The following GPRASP2 variants were observed in gnomAD, a reference collection of about 807,000 sequenced individuals.
GPRASP2 encodes the protein G protein-coupled receptor associated sorting protein 2.
Under a neutral mutation model 36.0 loss-of-function variants are expected in GPRASP2, and 10 were observed. That is an observed-to-expected ratio of 0.28 (90% CI 0.17 to 0.47). GPRASP2 has a LOEUF of 0.47. Among genes scored for constraint, GPRASP2 ranks in the 20% least tolerant of loss-of-function variants. The pLI is 0.99. For missense variants in GPRASP2, 538 were observed against 626.7 expected (o/e 0.86, Z 1.51); for synonymous variants, 219 against 230.5 (o/e 0.95, Z 0.45).
chrX:102,716,939 T>C lies in GPRASP2; in HGVS notation c.2070T>C (p.Ser690=). Residue 690 remains serine (S), a synonymous_variant, in exon 5 of 5, where the codon AGT becomes AGC. Coordinates refer to ENST00000483720, the MANE Select transcript of GPRASP2 (RefSeq NM_001004051.4). ...CQVCEETLAH[S]VDSLEQLTGI... ...TGTGTGAGGAAACCCTTGCACATAG[T>C]GTGGATTCCCTTGAGCAGCTGACTG... 1 of 1,204,408 alleles carries C rather than the reference T, an allele frequency of 8.3e-7. No individual in the cohort carries two copies. The highest frequency in any genetic ancestry group is 1.1e-6 in the Non-Finnish European group (1 of 891,655).
chrX:102,715,771 A>G lies in GPRASP2; in HGVS notation c.902A>G (p.Asn301Ser), dbSNP rs779993158. 8.3e-7 allele frequency: 1 copy of G among 1,211,726 alleles called. No individual in the cohort carries two copies. The highest frequency in any genetic ancestry group is 2.2e-5 in the Admixed American group (1 of 46,027). ...PFSFWVGENT[N>S]NLFRPRVREE... ...TCCTTCTGGGTTGGAGAAAATACCAATAACTTGTTCAGGCCCAGAGTCAGG... is the reference window on the plus strand; with the variant it reads ...TCCTTCTGGGTTGGAGAAAATACCAGTAACTTGTTCAGGCCCAGAGTCAGG... The change falls in exon 5 of 5, where the codon AAT becomes AGT. Residue 301 changes from asparagine (N) to serine (S), a missense_variant. By Grantham distance (46) the Asn-to-Ser change is conservative. This residue lies in a region of GPRASP2 where 276 missense variants were observed against 275.0 expected (regional missense o/e 1.00). Coordinates refer to ENST00000483720, the MANE Select transcript of GPRASP2 (RefSeq NM_001004051.4).
rs759586484 is a variant in GPRASP2 at position 102,716,870 on chromosome X, A to G, written c.2001A>G (p.Pro667=). Residue 667 remains proline (P), a synonymous_variant, in exon 5 of 5, where the codon CCA becomes CCG. Transcript: ENST00000483720. ...SFLENMIHMA[P]PYPNLNMIET... ...TGGAAAATATGATTCACATGGCTCC[A>G]CCTTATCCAAATCTAAACATGATTG... 8.3e-7 allele frequency: 1 copy of G among 1,211,217 alleles called. No individual in the cohort carries two copies. The highest frequency in any genetic ancestry group is 1.8e-5 in the South Asian group (1 of 56,707).
chrX:102,715,039 T>A lies in GPRASP2; in HGVS notation c.170T>A (p.Val57Glu). 8.2e-7 allele frequency: 1 copy of A among 1,212,272 alleles called. No individual in the cohort carries two copies. ...AGGCCCAAAACTGAGACCAAGTCTG[T>A]GCCTGCGGCAAGGCCCAAAACTGAG... is the stretch of plus-strand genomic sequence containing the variant. ...GARPKTETKS[V>E]PAARPKTEAQ... is the part of the protein sequence containing the mutation. Residue 57 changes from valine to glutamate, a missense_variant, in exon 5 of 5, where the codon GTG becomes GAG. Val to Glu is a moderately radical substitution (Grantham distance 121, BLOSUM62 -2). Transcript: ENST00000483720.
chrX:102,717,170 C>A lies in GPRASP2; in HGVS notation c.2301C>A (p.Leu767=), dbSNP rs1440523702. The change falls in exon 5 of 5, where the codon CTC becomes CTA. Residue 767 remains leucine (L), a synonymous_variant. Transcript: ENST00000483720. ...SAKALSIFVG[L]FNIEETNDNI... ...AAGCTCTTTCAATATTTGTGGGTCTCTTTAACATAGAAGAGACAAATGATA... is the reference window on the plus strand; with the variant it reads ...AAGCTCTTTCAATATTTGTGGGTCTATTTAACATAGAAGAGACAAATGATA... 1 of 1,170,647 alleles carries A rather than the reference C, an allele frequency of 8.5e-7. No individual in the cohort carries two copies. Among genetic ancestry groups the A allele is most frequent in the East Asian group, 3.0e-5 (1 of 33,166 alleles).
At chrX:102,713,578 G>T (rs185470666) in intron 2 of GPRASP2, among the ~76,000 whole-genome samples, 653 of 113,129 alleles carry the variant, frequency 5.8e-3, no homozygotes, top group Non-Finnish European at 9.6e-3. Flanking sequence ...AGAATATGAC[G>T]TCAAGAGAAG....
In GPRASP2 at chrX:102,714,669, T is replaced by C; in HGVS notation, c.-201T>C. ...ACCTGTTCTCACTCTATCTGTATTA[T>C]TGAATTATTGACTGAGACTGTGTTT... On this transcript the variant is annotated 5_prime_UTR_variant, in exon 5 of 5. Coordinates refer to ENST00000483720, the MANE Select transcript of GPRASP2 (RefSeq NM_001004051.4). 8 of 585,693 alleles carry C rather than the reference T, an allele frequency of 1.4e-5. No individual in the cohort carries two copies. The highest frequency in any genetic ancestry group is 2.1e-5 in the Non-Finnish European group (8 of 389,104). The allele number at this position is 585,693 out of a possible 1,213,427, so 48.3% of individuals were successfully genotyped here.
In GPRASP2 at chrX:102,714,819, G is replaced by T. The variant is rs762509355; in HGVS notation, c.-51G>T. ...AACCTGTGACAGATCTGTGGTTGAG[G>T]TTTAGACTACGGGAGGAGTATATTA... On this transcript the variant is annotated 5_prime_UTR_variant, in exon 5 of 5. Transcript: ENST00000483720. The T allele has an allele frequency of 8.6e-7, 1 of 1,167,052 alleles. No homozygotes were observed. Among genetic ancestry groups the T allele is most frequent in the South Asian group, 2.0e-5 (1 of 49,503 alleles).
Position 102,716,715 on chromosome X carries a change from A to G in GPRASP2, c.1846A>G (p.Ile616Val), listed in dbSNP as rs1254788811. Residue 616 changes from isoleucine (I) to valine (V), a missense_variant, in exon 5 of 5, where the codon ATA becomes GTA. Ile to Val is a conservative substitution (Grantham distance 29). Transcript: ENST00000483720. ...DKIRDPFIHE[I>V]SKIAMGMRSA... ...AATTCGGGATCCTTTTATTCATGAA[A>G]TATCTAAAATTGCAATGGGTATGAG... 23 of 1,210,569 alleles carry G rather than the reference A, an allele frequency of 1.9e-5. No individual in the cohort carries two copies. Among genetic ancestry groups the G allele is most frequent in the Non-Finnish European group, 2.3e-5 (21 of 895,448 alleles).
chrX:102,715,304 G>A lies in GPRASP2; in HGVS notation c.435G>A (p.Val145=). The change falls in exon 5 of 5, where the codon GTG becomes GTA. Residue 145 remains valine, a synonymous_variant. Transcript: ENST00000483720. ...AAGCAGTGTCACAGGCAGAAGGAGT[G>A]TCCCAGACTAATGCCGTTGCTTGGC... The part of the protein sequence containing the change: ...GTEAVSQAEG[V]SQTNAVAWPL... 1 of 1,212,582 alleles carries A rather than the reference G, an allele frequency of 8.2e-7. No individual in the cohort carries two copies. The highest frequency in any genetic ancestry group is 1.7e-5 in the African/African-American group (1 of 58,097).
Position 102,715,355 on chromosome X carries a change from A to T in GPRASP2, c.486A>T (p.Ser162=). 1 of 1,212,419 alleles carries T rather than the reference A, an allele frequency of 8.2e-7. No homozygotes were observed. The highest frequency in any genetic ancestry group is 3.0e-5 in the East Asian group (1 of 33,841). The change falls in exon 5 of 5, where the codon TCA becomes TCT. Residue 162 remains serine, a synonymous_variant. Coordinates refer to ENST00000483720, the MANE Select transcript of GPRASP2 (RefSeq NM_001004051.4). ...AWPLATAESG[S]VTKSKGLSMD... is the part of the protein sequence containing the mutation. ...CACTGGCCACTGCTGAGTCTGGATC[A>T]GTTACTAAATCTAAGGGCCTGTCTA... is the stretch of plus-strand genomic sequence containing the variant.
Position 102,717,531 on chromosome X carries a change from T to A in GPRASP2, c.*145T>A. The A allele has an allele frequency of 1.2e-6, 1 of 854,662 alleles. No individual in the cohort carries two copies. The highest frequency in any genetic ancestry group is 5.6e-5 in the Admixed American group (1 of 17,729). 70.4% of individuals were successfully genotyped at this position (854,662 alleles called of 1,213,427 possible). A position where few individuals can be genotyped will look rare whatever the true frequency, so the allele number is the denominator to read the frequency against. ...TGTCAAACTCTTGTTTTGAGCTGGA[T>A]CATTTTGTGGATGCCAAATGAATAT... On this transcript the variant is annotated 3_prime_UTR_variant, in exon 5 of 5. Transcript: ENST00000483720.
Position 102,716,262 on chromosome X carries a change from C to A in GPRASP2, c.1393C>A (p.Pro465Thr). ...DRDEACFDLN[P>T]CPVYKVSDRF... ...AGATGAGGCCTGCTTTGACCTAAAT[C>A]CCTGTCCTGTGTACAAGGTCAGTGA... is the stretch of plus-strand genomic sequence containing the variant. The change falls in exon 5 of 5, where the codon CCC (proline) becomes ACC (threonine). Residue 465 changes from proline (P) to threonine (T), a missense_variant. Pro to Thr is a conservative substitution (Grantham distance 38, BLOSUM62 -1). Coordinates refer to ENST00000483720, the MANE Select transcript of GPRASP2 (RefSeq NM_001004051.4). 8.3e-7 allele frequency: 1 copy of A among 1,212,024 alleles called. No individual in the cohort carries two copies. Among genetic ancestry groups the A allele is most frequent in the Non-Finnish European group, 1.1e-6 (1 of 895,630 alleles).
rs369255098 is a variant in GPRASP2 at position 102,717,397 on chromosome X, C to T, written c.*11C>T. 4.4e-5 allele frequency: 46 copies of T among 1,052,802 alleles called. No individual in the cohort carries two copies. In the African/African-American group the frequency reaches 8.2e-4, roughly 19 times the overall value. 86.8% of individuals were successfully genotyped at this position (1,052,802 alleles called of 1,213,427 possible). A position where few individuals can be genotyped will look rare whatever the true frequency, so the allele number is the denominator to read the frequency against. On this transcript the variant is annotated 3_prime_UTR_variant, in exon 5 of 5. Coordinates refer to ENST00000483720, the MANE Select transcript of GPRASP2 (RefSeq NM_001004051.4). ...GGACAACAAAGTTAATATGATTAAC[C>T]ACCTGCCGCTGATCAGCCTTATGTT...
rs1320206844 is a variant in GPRASP2 at position 102,717,293 on chromosome X, T to A, written c.2424T>A (p.Leu808=). Residue 808 remains leucine (L), a synonymous_variant, in exon 5 of 5, where the codon CTT becomes CTA. Transcript: ENST00000483720. ...ATGATGATTTCAGTCTTGAGCCGCT[T>A]ATTTCTGCATTTCGTGAATTTGAGG... ...LIDDDFSLEP[L]ISAFREFEEL... 7 of 1,094,088 alleles carry A rather than the reference T, an allele frequency of 6.4e-6. No individual in the cohort carries two copies. Among genetic ancestry groups the A allele is most frequent in the Non-Finnish European group, 8.4e-6 (7 of 837,175 alleles). 90.2% of individuals were successfully genotyped at this position (1,094,088 alleles called of 1,213,427 possible). A position where few individuals can be genotyped will look rare whatever the true frequency, so the allele number is the denominator to read the frequency against.
chrX:102,714,720 A>G lies in GPRASP2; in HGVS notation c.-150A>G. 1.1e-6 allele frequency: 1 copy of G among 897,798 alleles called. No homozygotes were observed. The highest frequency in any genetic ancestry group is 1.5e-6 in the Non-Finnish European group (1 of 660,593). 74.0% of individuals were successfully genotyped at this position (897,798 alleles called of 1,213,427 possible). On this transcript the variant is annotated 5_prime_UTR_variant, in exon 5 of 5. Coordinates refer to ENST00000483720, the MANE Select transcript of GPRASP2 (RefSeq NM_001004051.4). Reference sequence around the variant, plus strand: ...GGGAAGGAGGCTGAGTGACTACTGGACTGGATATTGACTCTAACTCTTATT... The same window carrying G: ...GGGAAGGAGGCTGAGTGACTACTGGGCTGGATATTGACTCTAACTCTTATT...
Position 102,716,170 on chromosome X carries a change from T to C in GPRASP2, c.1301T>C (p.Val434Ala). 3.3e-6 allele frequency: 4 copies of C among 1,207,846 alleles called. No homozygotes were observed. The highest frequency in any genetic ancestry group is 4.5e-6 in the Non-Finnish European group (4 of 894,101). ...GAGGAAAAGTCCAGTTTGGGGGCTG[T>C]GGCCAGAGAAGAGGCCAAGCCGGAG... is the stretch of plus-strand genomic sequence containing the variant. Reference protein sequence around the residue: ...WAEEKSSLGAVAREEAKPESE... With the variant: ...WAEEKSSLGAAAREEAKPESE... Residue 434 changes from valine to alanine, a missense_variant, in exon 5 of 5, where the codon GTG (valine) becomes GCG (alanine). Physicochemically the swap from Val to Ala is moderately conservative, Grantham distance 64. Transcript: ENST00000483720.
Position 102,717,280 on chromosome X carries a change from G to A in GPRASP2, c.2411G>A (p.Ser804Asn). 2 of 1,093,769 alleles carry A rather than the reference G, an allele frequency of 1.8e-6. No homozygotes were observed. The highest frequency in any genetic ancestry group is 5.8e-5 in the South Asian group (2 of 34,248). 90.1% of individuals were successfully genotyped at this position (1,093,769 alleles called of 1,213,427 possible). ...GKMSLIDDDFSLEPLISAFRE... is the reference protein window; with the variant it reads ...GKMSLIDDDFNLEPLISAFRE... Reference sequence around the variant, plus strand: ...ATGTCCTTAATTGATGATGATTTCAGTCTTGAGCCGCTTATTTCTGCATTT... The same window carrying A: ...ATGTCCTTAATTGATGATGATTTCAATCTTGAGCCGCTTATTTCTGCATTT... Residue 804 changes from serine to asparagine, a missense_variant, in exon 5 of 5, where the codon AGT becomes AAT. Around this residue, in one of 2 missense-constraint regions of GPRASP2, gnomAD observed 262 missense variants for 351.7 expected, o/e 0.74. Coordinates refer to ENST00000483720, the MANE Select transcript of GPRASP2 (RefSeq NM_001004051.4).
chrX:102,714,908 G>A lies in GPRASP2; in HGVS notation c.39G>A (p.Lys13=), dbSNP rs2081936977. Residue 13 remains lysine (K), a synonymous_variant, in exon 5 of 5, where the codon AAG becomes AAA. Transcript: ENST00000483720. The stretch of plus-strand genomic sequence containing the variant: ...AGATTGAGCCTAGTGCCCAGGCCAA[G>A]CCTGAAAAGAAGGCTGGGGAAGAGG... ...GAEIEPSAQA[K]PEKKAGEEVI... 4 of 1,212,245 alleles carry A rather than the reference G, an allele frequency of 3.3e-6. No homozygotes were observed. The highest frequency in any genetic ancestry group is 4.5e-6 in the Non-Finnish European group (4 of 895,587).
At chrX:102,713,030 G>C (rs1004409131) in intron 1 of GPRASP2, 100 bp from the exon 2 acceptor site, 5 of 112,444 alleles carry the variant, frequency 4.4e-5, no homozygotes, top group African/African-American at 1.6e-4. Context: ...GCTACTCCGG[G>C]TCCCGATTCC....
Sources: gnomAD v4.1 joint callset for allele counts (sites outside exome capture counted in the v4.1 genomes callset) on GRCh38, gnomAD v4.1.1 for gene constraint, gnomAD v4.1.1 regional missense constraint, MANE v1.5 for transcripts, NCBI Gene and HGNC (gene_info 2026-07-23, HGNC 2026-07-21) for gene names.